The following RB1 variants were observed in gnomAD, a reference collection of about 807,000 sequenced individuals.
RB1 encodes the protein RB transcriptional corepressor 1, also known as retinoblastoma-associated protein.
In RB1, 18 loss-of-function variants were observed where a neutral mutation model predicts 135.4. That is an observed-to-expected ratio of 0.13 (90% confidence interval 0.09 to 0.20). The LOEUF is 0.20. Among genes scored for constraint, RB1 ranks in the 10% least tolerant of loss-of-function variants. The pLI is 1.00. For synonymous variants in RB1, 365 were observed against 373.2 expected (o/e 0.98, Z 0.25); for missense variants, 868 against 1,110.0 (o/e 0.78, Z 3.10).
At chr13:48,449,204 A>G in intron 17 of RB1, among the ~76,000 whole-genome samples, 1 of 151,860 alleles carries the variant, frequency 6.6e-6, no homozygotes, top group East Asian at 1.9e-4. Context: ...TATTTATATT[A>G]GGGACTTTCT....
At chr13:48,335,376 T>A (rs1313909290) in intron 2 of RB1, among the ~76,000 whole-genome samples, 1 of 152,134 alleles carries the variant, frequency 6.6e-6, no homozygotes, top group Admixed American at 6.5e-5. Context: ...ATTTTTAAGT[T>A]TTGTGGGTAC....
At chr13:48,390,244 C>T (rs981495864) in intron 17 of RB1, among the ~76,000 whole-genome samples, 6 of 152,052 alleles carry the variant, frequency 3.9e-5, no homozygotes, top group Admixed American at 6.6e-5. Flanking sequence ...TGAAGTTGAA[C>T]GTAATGAATT....
At chr13:48,321,076 C>G (rs955135652) in intron 2 of RB1, among the ~76,000 whole-genome samples, 1 of 152,126 alleles carries the variant, frequency 6.6e-6, no homozygotes, top group African/African-American at 2.4e-5. Context: ...GACGCATCCT[C>G]TCTCTGCTTT....
intron 17 of RB1, among the ~76,000 whole-genome samples, chr13:48,430,962 T>A (rs1949124030): frequency 6.6e-6 from 1 of 152,152 alleles, no homozygotes; most frequent in Non-Finnish European, 1.5e-5. Context: ...GTAGAGGCTT[T>A]CTAAGTATTA....
chr13:48,429,674 A>G (rs1279616658), intron 17 of RB1: 1 of 152,086 alleles, frequency 6.6e-6, no homozygotes, highest in Non-Finnish European at 1.5e-5. Context: ...AAAATGTTAT[A>G]TGGAATTATA....
chr13:48,446,753 T>C (rs1356802581), intron 17 of RB1, among the ~76,000 whole-genome samples: 1 of 152,146 alleles, frequency 6.6e-6, no homozygotes, highest in Non-Finnish European at 1.5e-5. Flanking sequence ...AGTCATGGAA[T>C]AGAAAGATGA....
intron 17 of RB1, among the ~76,000 whole-genome samples, chr13:48,437,245 T>C (rs1040627363): frequency 6.6e-6 from 1 of 152,100 alleles, no homozygotes. Context: ...TTAATTTGAG[T>C]AGATAAGTAA....
At chr13:48,453,491 C>T (rs1330679801) in intron 18 of RB1, among the ~76,000 whole-genome samples, 3 of 152,060 alleles carry the variant, frequency 2.0e-5, no homozygotes, top group African/African-American at 7.2e-5. Flanking sequence ...GCAGGTCAGT[C>T]CATTTGGAGT....
At position 48,473,388 on chromosome 13, in the gene RB1, G is replaced by T. The variant is rs374157786; in HGVS notation, c.2518G>T (p.Gly840Trp). 3 of 1,561,574 alleles carry T rather than the reference G, an allele frequency of 1.9e-6. No homozygotes were observed. Among genetic ancestry groups the T allele is most frequent in the Non-Finnish European group, 2.6e-6 (3 of 1,134,160 alleles). The stretch of plus-strand genomic sequence containing the variant: ...CTTAGTATCAATTGGTGAATCATTC[G>T]GGGTGAGTATTTTCTTTCTATGAAA... ...RILVSIGESF[G>W]TSEKFQKINQ... The change falls in exon 24 of 27, where the codon GGG becomes TGG. Residue 840 changes from glycine (G) to tryptophan (W), a missense_variant and splice_region_variant. Physicochemically the swap from Gly to Trp is radical, Grantham distance 184 (BLOSUM62 -2). Transcript: ENST00000267163.
At chr13:48,370,599 T>C (rs550668607) in intron 11 of RB1, among the ~76,000 whole-genome samples, 1 of 152,176 alleles carries the variant, frequency 6.6e-6, no homozygotes, top group Non-Finnish European at 1.5e-5. Flanking sequence ...AGGATGCAGA[T>C]GTAAAGATGC....
chr13:48,305,499 AG>A (rs1409650569), intron 1 of RB1, among the ~76,000 whole-genome samples: 1 of 152,238 alleles, frequency 6.6e-6, no homozygotes, highest in African/African-American at 2.4e-5. Flanking sequence ...GCTACTCTAA[AG>A]AATTCCATGT....
At position 48,403,146 on chromosome 13, in the gene RB1, G is replaced by A. The variant is rs533244076; in HGVS notation, c.1695+21703G>A. 8.5e-5 allele frequency among the ~76,000 whole-genome samples: 13 copies of A among 152,244 alleles called. No homozygotes were observed. In the East Asian group the frequency reaches 2.5e-3, roughly 29 times the overall value. On this transcript the variant is annotated intron_variant, in intron 17 of 26. Coordinates refer to ENST00000267163, the MANE Select transcript of RB1 (RefSeq NM_000321.3). ...ATTTAAAGATCTCCTGTGTTTTGAT[G>A]TAAAAACACTATTTTTTAGCAGCAG...
At chr13:48,450,604 C>T (rs1218566346) in intron 17 of RB1, among the ~76,000 whole-genome samples, 1 of 152,102 alleles carries the variant, frequency 6.6e-6, no homozygotes, top group East Asian at 1.9e-4. Flanking sequence ...GTGATGTCTC[C>T]AGCTTTGTTC....
At chr13:48,375,373 C>T (rs1204236197) in intron 12 of RB1, among the ~76,000 whole-genome samples, 1 of 151,746 alleles carries the variant, frequency 6.6e-6, no homozygotes, top group East Asian at 1.9e-4. Context: ...ACCTTCCCTC[C>T]ATGTAAAATC....
chr13:48,325,620 GC>G (rs1200416017), intron 2 of RB1, among the ~76,000 whole-genome samples: 1 of 152,010 alleles, frequency 6.6e-6, no homozygotes, highest in Non-Finnish European at 1.5e-5. Flanking sequence ...TCTACACCTT[GC>G]TTTTTTCATT....
chr13:48,408,107 A>C (rs1318419635), intron 17 of RB1, among the ~76,000 whole-genome samples: 2 of 152,088 alleles, frequency 1.3e-5, no homozygotes, highest in Non-Finnish European at 1.5e-5. Flanking sequence ...TTTCTATTTT[A>C]TATTTCTCAA....
chr13:48,446,849 C>A (rs889366688), intron 17 of RB1, among the ~76,000 whole-genome samples: 2 of 152,066 alleles, frequency 1.3e-5, no homozygotes, highest in Non-Finnish European at 2.9e-5. Context: ...TTTTGTAAAC[C>A]AAGATAAGGC....
At chr13:48,435,949 A>C (rs1949179033) in intron 17 of RB1, among the ~76,000 whole-genome samples, 1 of 152,254 alleles carries the variant, frequency 6.6e-6, no homozygotes, top group Admixed American at 6.5e-5. Context: ...CAGCCCAATT[A>C]AAAGGCAGAG....
At chr13:48,476,910 A>G (rs2138359964) in intron 25 of RB1, 67 bp downstream of exon 25, 6 of 1,576,182 alleles carry the variant, frequency 3.8e-6, no homozygotes, top group Non-Finnish European at 5.2e-6. Flanking sequence ...GAGTCTCAGC[A>G]CTGCTCCTGG....
Sources: allele counts gnomAD v4.1 joint callset (sites outside exome capture counted in the v4.1 genomes callset), GRCh38; gene constraint gnomAD v4.1.1; transcripts MANE v1.5; gene names NCBI Gene and HGNC (gene_info 2026-07-23, HGNC 2026-07-21).